The following EPHA3 variants were observed in gnomAD, a reference collection of about 807,000 sequenced individuals.
The protein encoded by EPHA3 is EPH receptor A3.
EPHA3 carries 42 observed loss-of-function variants against 107.1 expected under a neutral mutation model. That is an observed-to-expected ratio of 0.39 (90% CI 0.31 to 0.51). EPHA3 has a LOEUF of 0.51. Among genes scored for constraint, EPHA3 ranks in the 20% least tolerant of loss-of-function variants. EPHA3 has a pLI of 0.78. For missense variants in EPHA3, 1,183 were observed against 1,211.2 expected (o/e 0.98, Z 0.35); for synonymous variants, 461 against 424.8 (o/e 1.09, Z -1.05).
chr3:89,371,742 A>AC (rs1708308361), intron 5 of EPHA3, among the ~76,000 whole-genome samples: 1 of 150,294 alleles, frequency 6.7e-6, no homozygotes, highest in Non-Finnish European at 1.5e-5. Context: ...ACACACACAC[A>AC]ACACACACAC....
intron 3 of EPHA3, among the ~76,000 whole-genome samples, chr3:89,295,256 T>C: frequency 6.6e-6 from 1 of 152,268 alleles, no homozygotes; most frequent in East Asian, 1.9e-4. Context: ...TAGTTAAAAA[T>C]ACTTTATTAC....
intron 2 of EPHA3, among the ~76,000 whole-genome samples, chr3:89,207,533 A>G (rs993902721): frequency 2.0e-5 from 3 of 152,154 alleles, no homozygotes; most frequent in Admixed American, 6.5e-5. Context: ...TTTTTAAACA[A>G]ACAAACAAAG....
chr3:89,171,565 A>C (rs1307724725), intron 2 of EPHA3, among the ~76,000 whole-genome samples: 1 of 152,192 alleles, frequency 6.6e-6, no homozygotes, highest in Non-Finnish European at 1.5e-5. Flanking sequence ...GAAAATGGTG[A>C]ATGATAAAAT....
At chr3:89,443,749 AG>A (rs1345514511) in intron 13 of EPHA3, among the ~76,000 whole-genome samples, 1 of 152,162 alleles carries the variant, frequency 6.6e-6, no homozygotes, top group African/African-American at 2.4e-5. Context: ...GAAGGGGGCC[AG>A]GTGGTTATTC....
rs1250126541 is a variant in EPHA3, at chr3:89,395,828, T to C, written c.1307-9T>C. The C allele has an allele frequency of 6.2e-7, 1 of 1,613,140 alleles. No individual in the cohort carries two copies. The highest frequency in any genetic ancestry group is 8.5e-7 in the Non-Finnish European group (1 of 1,179,514). On this transcript the variant is annotated splice_polypyrimidine_tract_variant and intron_variant, in intron 5 of 16. Coordinates refer to ENST00000336596, the MANE Select transcript of EPHA3 (RefSeq NM_005233.6). ...CCTTCCACCTTCCCCTCCCATCCTC[T>C]CTTTACAGCTCCATCACCTGTCCTG...
chr3:89,273,596 T>C (rs1469961988), intron 3 of EPHA3, among the ~76,000 whole-genome samples: 1 of 151,884 alleles, frequency 6.6e-6, no homozygotes, highest in African/African-American at 2.4e-5. Context: ...TCTTTATCCA[T>C]GGTAGTTATA....
At chr3:89,184,093 T>C (rs1203720486) in intron 2 of EPHA3, among the ~76,000 whole-genome samples, 1 of 151,992 alleles carries the variant, frequency 6.6e-6, no homozygotes, top group Non-Finnish European at 1.5e-5. Context: ...GATGTTGGTA[T>C]TCTTCAAATG....
At chr3:89,450,062 G>C in intron 14 of EPHA3, 115 bp from the exon 15 acceptor site, 1 of 829,562 alleles carries the variant, frequency 1.2e-6, no homozygotes. Context: ...AAAATGAGAA[G>C]TTTTCCCACT....
intron 2 of EPHA3, among the ~76,000 whole-genome samples, chr3:89,145,140 ATTAAAAAG>A (rs974907139): frequency 2.0e-5 from 3 of 151,650 alleles, no homozygotes; most frequent in African/African-American, 7.3e-5. Context: ...AGGGACAGGG[ATTAAAAAG>A]TTGATATTCT....
rs1709939217 is a variant in EPHA3, at chr3:89,449,266, A to G, written c.2388A>G (p.Ile796Met). Reference sequence around the variant, plus strand: ...TCAGGTGGACATCACCAGAAGCTATAGCCTACCGCAAGTTCACGTCAGCCA... The same window carrying G: ...TCAGGTGGACATCACCAGAAGCTATGGCCTACCGCAAGTTCACGTCAGCCA... ...IPIRWTSPEA[I>M]AYRKFTSASD... Residue 796 changes from isoleucine (I) to methionine (M), a missense_variant, in exon 14 of 17, where the codon ATA (isoleucine) becomes ATG (methionine). Ile to Met is a conservative substitution (Grantham distance 10). Transcript: ENST00000336596. 6.2e-7 allele frequency: 1 copy of G among 1,611,996 alleles called. No homozygotes were observed. Among genetic ancestry groups the G allele is most frequent in the Non-Finnish European group, 8.5e-7 (1 of 1,178,570 alleles).
At chr3:89,440,232 A>G (rs1445022011) in intron 13 of EPHA3, among the ~76,000 whole-genome samples, 1 of 152,174 alleles carries the variant, frequency 6.6e-6, no homozygotes, top group African/African-American at 2.4e-5. Flanking sequence ...CAAATAATTT[A>G]TCTCTATAGT....
intron 15 of EPHA3, among the ~76,000 whole-genome samples, chr3:89,468,272 A>G (rs1401249121): frequency 6.6e-6 from 1 of 150,756 alleles, no homozygotes; most frequent in Non-Finnish European, 1.5e-5. Context: ...TTTGTCTTGG[A>G]TGCACTTTGA....
chr3:89,176,806 C>T (rs1450255320), intron 2 of EPHA3, among the ~76,000 whole-genome samples: 2 of 151,978 alleles, frequency 1.3e-5, no homozygotes, highest in African/African-American at 4.8e-5. Context: ...CTGTAATATA[C>T]CATAGGAAAA....
At chr3:89,405,553 G>C (rs115878753) in intron 7 of EPHA3, among the ~76,000 whole-genome samples, 2 of 152,130 alleles carry the variant, frequency 1.3e-5, no homozygotes, top group African/African-American at 4.8e-5. Context: ...TTCAGATGCT[G>C]CTCACAGGAA....
In EPHA3 at chr3:89,107,700, G is replaced by A. The variant is rs2106931784; in HGVS notation, c.-49G>A. ...CAGAGCGCTCCCCCTCACATCAGTG[G>A]CATGCTTCATGGAGATATGCTCCTC... On this transcript the variant is annotated 5_prime_UTR_variant, in exon 1 of 17. Transcript: ENST00000336596. 1.3e-6 allele frequency: 2 copies of A among 1,538,314 alleles called. No homozygotes were observed. The highest frequency in any genetic ancestry group is 1.8e-6 in the Non-Finnish European group (2 of 1,112,122).
At chr3:89,435,002 A>G (rs539940493) in intron 13 of EPHA3, among the ~76,000 whole-genome samples, 3 of 152,130 alleles carry the variant, frequency 2.0e-5, no homozygotes, top group Non-Finnish European at 4.4e-5. Context: ...TTAATCTCTC[A>G]TAATAGGCCT....
chr3:89,138,619 G>A (rs980375130), intron 2 of EPHA3, among the ~76,000 whole-genome samples: 2 of 151,802 alleles, frequency 1.3e-5, no homozygotes, highest in Non-Finnish European at 2.9e-5. Context: ...TTTTAAGCAG[G>A]TGATCAGGGA....
chr3:89,282,283 G>C (rs995786660), intron 3 of EPHA3, among the ~76,000 whole-genome samples: 1 of 152,092 alleles, frequency 6.6e-6, no homozygotes, highest in Non-Finnish European at 1.5e-5. Context: ...TGACATTTAA[G>C]CTGATATCCT....
chr3:89,260,324 C>T (rs551018031), intron 3 of EPHA3, among the ~76,000 whole-genome samples: 1 of 152,274 alleles, frequency 6.6e-6, no homozygotes, highest in South Asian at 2.1e-4. Flanking sequence ...TCTCTTTTCT[C>T]CCCACCCTAG....
Sources: allele counts gnomAD v4.1 joint callset (sites outside exome capture counted in the v4.1 genomes callset), GRCh38; gene constraint gnomAD v4.1.1; transcripts MANE v1.5; gene names NCBI Gene and HGNC (gene_info 2026-07-23, HGNC 2026-07-21).